The following PLEKHD1 variants were observed in gnomAD, a reference collection of about 807,000 sequenced individuals.
PLEKHD1 encodes pleckstrin homology domain-containing family D member 1.
A neutral mutation model predicts 69.2 loss-of-function variants in PLEKHD1; 51 were observed. That is an observed-to-expected ratio of 0.74 (90% CI 0.59 to 0.93). The LOEUF is 0.93. Ranked by LOEUF, PLEKHD1 falls within the 40% of genes least tolerant of loss-of-function variation. The pLI is 0.00. For missense variants in PLEKHD1, 584 were observed against 641.0 expected, an observed-to-expected ratio of 0.91 and a Z score of 0.96; for synonymous variants, 236 against 244.7, an observed-to-expected ratio of 0.96 and a Z score of 0.33.
At chr14:69,500,076 C>A in intron 1 of PLEKHD1, 39 bp from the exon 2 acceptor site, 1 of 1,425,096 alleles carries the variant, frequency 7.0e-7, no homozygotes. Context: ...CTCACCCCTT[C>A]TCTCCTGGTT....
chr14:69,509,806 C>G (rs1404510817), intron 6 of PLEKHD1, among the ~76,000 whole-genome samples: 1 of 151,960 alleles, frequency 6.6e-6, no homozygotes, highest in East Asian at 1.9e-4. Flanking sequence ...GGCGTGGTGG[C>G]GGGCGCCTGT....
intron 6 of PLEKHD1, among the ~76,000 whole-genome samples, chr14:69,507,107 G>T (rs1883170639): frequency 6.6e-6 from 1 of 151,986 alleles, no homozygotes; most frequent in African/African-American, 2.4e-5. Context: ...AGCCAGGATG[G>T]CCTCGAACTC....
chr14:69,526,499 G>C (rs1488943918), intron 9 of PLEKHD1, among the ~76,000 whole-genome samples, 198 bp from the exon 10 acceptor site: 2 of 152,026 alleles, frequency 1.3e-5, no homozygotes, highest in Non-Finnish European at 2.9e-5. Flanking sequence ...CCAGTCTTCT[G>C]ACTCTAAACC....
upstream of PLEKHD1, among the ~76,000 whole-genome samples, chr14:69,483,647 T>C (rs1216287875): frequency 6.6e-6 from 1 of 152,242 alleles, no homozygotes. Context: ...GGCAAATTCA[T>C]AAAGCAATGT....
rs575020748 is a variant in PLEKHD1 at position 69,488,234 on chromosome 14, T to A, written c.149+3120T>A. Among the ~76,000 whole-genome samples, 6 of 152,334 alleles carry A rather than the reference T, an allele frequency of 3.9e-5. No homozygotes were observed. In the East Asian group the frequency reaches 1.2e-3, roughly 29 times the overall value. On this transcript the variant is annotated intron_variant, in intron 1 of 12. Transcript: ENST00000322564. ...ACCTGTACAGTGTGTAAAGATTATCTGTGCAGATGAGGGTCACCATGCCAA... is the reference window on the plus strand; with the variant it reads ...ACCTGTACAGTGTGTAAAGATTATCAGTGCAGATGAGGGTCACCATGCCAA...
the PLEKHD1 span, among the ~76,000 whole-genome samples, chr14:69,468,544 C>T: frequency 0.1 from 15,708 of 150,056 alleles, 885 homozygotes; most frequent in East Asian, 0.17. Flanking sequence ...TTCCTTCCTT[C>T]CTTTCTTTCT....
chr14:69,494,485 C>T (rs1882844268), intron 1 of PLEKHD1, among the ~76,000 whole-genome samples: 1 of 151,804 alleles, frequency 6.6e-6, no homozygotes, highest in Non-Finnish European at 1.5e-5. Context: ...AGGAGTATGG[C>T]TTTGCATACA....
At chr14:69,483,040 T>C (rs1882574370), upstream of PLEKHD1, among the ~76,000 whole-genome samples, 1 of 152,196 alleles carries the variant, frequency 6.6e-6, no homozygotes, top group Non-Finnish European at 1.5e-5. Context: ...CACTTTGTAC[T>C]CTGGCCCCGG....
At chr14:69,505,768 C>T (rs1336933064) in intron 6 of PLEKHD1, among the ~76,000 whole-genome samples, 1 of 152,224 alleles carries the variant, frequency 6.6e-6, no homozygotes, top group Non-Finnish European at 1.5e-5. Context: ...ATCCTCCATG[C>T]AGCAGAAAAG....
intron 6 of PLEKHD1, among the ~76,000 whole-genome samples, chr14:69,514,484 T>C (rs149838935): frequency 5.8e-4 from 88 of 152,126 alleles, no homozygotes; most frequent in African/African-American, 1.9e-3. Flanking sequence ...GTTGTCTACT[T>C]TTGCCATTAA....
At chr14:69,486,745 A>G (rs1317992517) in intron 1 of PLEKHD1, among the ~76,000 whole-genome samples, 1 of 152,174 alleles carries the variant, frequency 6.6e-6, no homozygotes, top group East Asian at 1.9e-4. Flanking sequence ...CCCCCAGGGT[A>G]TGTCCCCTGG....
chr14:69,510,875 A>G (rs1883255447), intron 6 of PLEKHD1, among the ~76,000 whole-genome samples: 1 of 152,180 alleles, frequency 6.6e-6, no homozygotes, highest in South Asian at 2.1e-4. Flanking sequence ...ACCATTTAGT[A>G]TGATGTTAGC....
At chr14:69,502,393 G>A (rs1186874455) in intron 5 of PLEKHD1, 1 of 233,308 alleles carries the variant, frequency 4.3e-6, no homozygotes, top group African/African-American at 2.2e-5. Context: ...GAGACTGAGG[G>A]TTTGCCTTCA....
chr14:69,518,639 A>T (rs1314058674), intron 6 of PLEKHD1, among the ~76,000 whole-genome samples: 1 of 152,202 alleles, frequency 6.6e-6, no homozygotes, highest in African/African-American at 2.4e-5. Flanking sequence ...TTTACTGAGG[A>T]TGAGAAATCA....
chr14:69,525,691 C>G (rs1266969795), intron 8 of PLEKHD1, among the ~76,000 whole-genome samples: 3 of 152,172 alleles, frequency 2.0e-5, no homozygotes, highest in Non-Finnish European at 4.4e-5. Context: ...GATCATGCGA[C>G]CCCGTTCTAG....
At chr14:69,508,080 C>T (rs566020351) in intron 6 of PLEKHD1, among the ~76,000 whole-genome samples, 2 of 152,182 alleles carry the variant, frequency 1.3e-5, no homozygotes, top group Admixed American at 1.3e-4. Context: ...GTTGGACATC[C>T]TTTTATATGC....
chr14:69,522,385 T>C lies in PLEKHD1; in HGVS notation c.650+8T>C. ...GCAGGAGCAGATCAAGAGGTGGTGG[T>C]GGTGCCTGGGAATTGGGGGTGCCAC... On this transcript the variant is annotated splice_region_variant and intron_variant, in intron 7 of 12. Coordinates refer to ENST00000322564, the MANE Select transcript of PLEKHD1 (RefSeq NM_001161498.2). The C allele has an allele frequency of 6.4e-7, 1 of 1,551,150 alleles. No homozygotes were observed. Among genetic ancestry groups the C allele is most frequent in the South Asian group, 1.2e-5 (1 of 84,024 alleles).
At chr14:69,498,597 T>TCTTCTCTTCTCTTCC (rs1566557294) in intron 1 of PLEKHD1, among the ~76,000 whole-genome samples, 8 of 94,742 alleles carry the variant, frequency 8.4e-5, no homozygotes, top group African/African-American at 1.2e-4. Flanking sequence ...TTTTCTCTTC[T>TCTTCTCTTCTCTTCC]CTTCTCTTCT....
chr14:69,498,106 A>ATTTTATTTTATTTTG (rs1491301174), intron 1 of PLEKHD1, among the ~76,000 whole-genome samples: 1 of 141,464 alleles, frequency 7.1e-6, no homozygotes, highest in Non-Finnish European at 1.5e-5. Context: ...ATTTTATTTT[A>ATTTTATTTTATTTTG]GAGAGTCTTG....
Sources: gnomAD v4.1 joint callset for allele counts (sites outside exome capture counted in the v4.1 genomes callset) on GRCh38, gnomAD v4.1.1 for gene constraint, MANE v1.5 for transcripts, NCBI Gene and HGNC (gene_info 2026-07-23, HGNC 2026-07-21) for gene names.